The following PTK2 variants were observed in gnomAD, a reference collection of about 807,000 sequenced individuals.
PTK2 encodes the protein protein tyrosine kinase 2.
In PTK2, 45 loss-of-function variants were observed where a neutral mutation model predicts 150.1. The ratio of observed to expected loss-of-function variants is 0.30; its 90% CI spans 0.24 to 0.38. The LOEUF (loss-of-function observed/expected upper bound fraction) is 0.38, where lower values mean the gene tolerates loss of function less well. Among genes scored for constraint, PTK2 ranks in the 10% least tolerant of loss-of-function variants. The probability of loss-of-function intolerance (pLI) is 1.00; values close to 1 mark genes in which losing one functional copy is unlikely to be tolerated. For synonymous variants in PTK2, 432 were observed against 449.2 expected, an observed-to-expected ratio of 0.96 and a Z score of 0.48; for missense variants, 919 against 1,307.3, an observed-to-expected ratio of 0.70 and a Z score of 4.58.
chr8:140,818,284 C>A, exon 10 of PTK2: 2 of 1,613,092 alleles, frequency 1.2e-6, no homozygotes, highest in Non-Finnish European at 1.7e-6. Flanking sequence ...TACATTGCAG[C>A]CCTTGTCCGT....
At chr8:140,817,826 C>T (rs1412134453) in intron 10 of PTK2, among the ~76,000 whole-genome samples, 1 of 152,022 alleles carries the variant, frequency 6.6e-6, no homozygotes, top group Non-Finnish European at 1.5e-5. Context: ...TGTGAGTTTC[C>T]ATCTGATGGA....
chr8:140,947,721 T>C (rs938704539), intron 1 of PTK2, among the ~76,000 whole-genome samples: 15 of 151,882 alleles, frequency 9.9e-5, no homozygotes, highest in African/African-American at 3.4e-4. Context: ...ACACGCACAG[T>C]GATGTGTAAA....
intron 14 of PTK2, among the ~76,000 whole-genome samples, chr8:140,775,553 T>C (rs980797938): frequency 3.9e-5 from 6 of 152,060 alleles, no homozygotes; most frequent in Admixed American, 1.3e-4. Flanking sequence ...ATGTTGCCCA[T>C]GCTGGTCTCT....
chr8:140,882,662 TA>T (rs1349971870), intron 3 of PTK2, among the ~76,000 whole-genome samples: 1 of 152,152 alleles, frequency 6.6e-6, no homozygotes, highest in Non-Finnish European at 1.5e-5. Context: ...ATCAGGAACA[TA>T]ACATTAAATG....
chr8:140,928,989 G>A (rs1331322708), intron 1 of PTK2, among the ~76,000 whole-genome samples: 5 of 95,748 alleles, frequency 5.2e-5, no homozygotes, highest in Non-Finnish European at 9.5e-5. Context: ...TTTTTGAGAC[G>A]GAGTCTCGCT....
At chr8:140,892,515 G>A (rs1437070443) in intron 2 of PTK2, 1 of 344,468 alleles carries the variant, frequency 2.9e-6, no homozygotes, top group Admixed American at 4.4e-5. Flanking sequence ...CAGCCAGGGC[G>A]ACAGAGCCAG....
At chr8:140,947,943 G>C (rs1051874270) in intron 1 of PTK2, among the ~76,000 whole-genome samples, 7 of 152,050 alleles carry the variant, frequency 4.6e-5, no homozygotes, top group Non-Finnish European at 8.8e-5. Context: ...ATAAAGCAAA[G>C]GTTTCTGGTA....
At position 140,940,981 on chromosome 8, in the gene PTK2, T is replaced by G. The variant is rs2100175547; in HGVS notation, c.-121-15232A>C. On this transcript the variant is annotated intron_variant, in intron 1 of 31. Transcript: ENST00000522684. Reference sequence around the variant, plus strand: ...GCGAAACTCCATCTCAAAAAAAATTTTTTTAATTAAAAAAAAATAAATTCA... The same window carrying G: ...GCGAAACTCCATCTCAAAAAAAATTGTTTTAATTAAAAAAAAATAAATTCA... Among the ~76,000 whole-genome samples the G allele has an allele frequency of 2.6e-5, 4 of 152,170 alleles. No homozygotes were observed. The South Asian group carries it at 8.3e-4, about 32-fold the overall frequency.
At chr8:140,869,245 G>C (rs562164761) in intron 4 of PTK2, among the ~76,000 whole-genome samples, 3 of 151,618 alleles carry the variant, frequency 2.0e-5, no homozygotes, top group South Asian at 4.2e-4. Flanking sequence ...CAATGAACAC[G>C]CATCTGCAAG....
chr8:140,924,258 G>A (rs2100168627), intron 2 of PTK2, among the ~76,000 whole-genome samples: 4 of 151,956 alleles, frequency 2.6e-5, no homozygotes, highest in East Asian at 1.9e-4. Context: ...CTCAAATGTC[G>A]CCTACTCAAC....
At chr8:140,708,226 A>G (rs1337003980) in intron 23 of PTK2, among the ~76,000 whole-genome samples, 1 of 152,176 alleles carries the variant, frequency 6.6e-6, no homozygotes, top group Non-Finnish European at 1.5e-5. Context: ...TCTCTCCCAC[A>G]GTGCTGGGTG....
At chr8:140,905,920 T>C (rs1240132102) in intron 2 of PTK2, among the ~76,000 whole-genome samples, 1 of 151,898 alleles carries the variant, frequency 6.6e-6, no homozygotes, top group Non-Finnish European at 1.5e-5. Context: ...GAATGACTAC[T>C]GGGTAAATAA....
At chr8:140,951,474 C>T (rs1227502612) in intron 1 of PTK2, among the ~76,000 whole-genome samples, 6 of 152,046 alleles carry the variant, frequency 3.9e-5, no homozygotes, top group African/African-American at 9.7e-5. Context: ...CCAGAATTTG[C>T]GGTGGGGGGG....
chr8:140,906,726 T>C (rs2100161035), intron 2 of PTK2, among the ~76,000 whole-genome samples: 1 of 152,102 alleles, frequency 6.6e-6, no homozygotes, highest in South Asian at 2.1e-4. Context: ...TTAGAAGGAA[T>C]AAGTTCTAGT....
At chr8:140,673,975 AAC>A in intron 29 of PTK2, 1 of 445,982 alleles carries the variant, frequency 2.2e-6, no homozygotes, top group South Asian at 1.7e-5. Context: ...TAAAACCAGA[AAC>A]AATCTTGGCA....
intron 17 of PTK2, among the ~76,000 whole-genome samples, chr8:140,747,784 G>T (rs545204328): frequency 5.3e-4 from 74 of 140,744 alleles, no homozygotes; most frequent in Non-Finnish European, 9.2e-4. Flanking sequence ...GGAGGAAGAG[G>T]GGGAGGAAGG....
intron 14 of PTK2, among the ~76,000 whole-genome samples, chr8:140,774,194 G>C (rs1389627774): frequency 6.6e-6 from 1 of 152,162 alleles, no homozygotes; most frequent in African/African-American, 2.4e-5. Flanking sequence ...GGCTTTTGCG[G>C]TACAGGGATT....
chr8:140,958,534 A>G (rs1000956300), intron 1 of PTK2, among the ~76,000 whole-genome samples: 2 of 152,196 alleles, frequency 1.3e-5, no homozygotes, highest in Non-Finnish European at 2.9e-5. Flanking sequence ...TCCAGAGATA[A>G]TAAGATGTTA....
chr8:140,675,559 C>G (rs370962178), intron 27 of PTK2, 60 bp from the exon 31 acceptor site: 2 of 1,268,690 alleles, frequency 1.6e-6, no homozygotes, highest in Non-Finnish European at 2.3e-6. Flanking sequence ...AATGACCTCT[C>G]TCACCCACCC....
Sources: gnomAD v4.1 joint callset for allele counts (sites outside exome capture counted in the v4.1 genomes callset) on GRCh38, gnomAD v4.1.1 for gene constraint, MANE v1.5 for transcripts, NCBI Gene and HGNC (gene_info 2026-07-23, HGNC 2026-07-21) for gene names.